SEMA4D: variants seen among roughly 807,000 people sequenced by gnomAD.
The protein encoded by SEMA4D is semaphorin 4D.
SEMA4D carries 22 observed loss-of-function variants against 74.8 expected under a neutral mutation model. That is an observed-to-expected ratio of 0.29 (90% CI 0.21 to 0.42). The LOEUF is 0.42. Among genes scored for constraint, SEMA4D ranks in the 10% least tolerant of loss-of-function variants. The pLI is 1.00. For synonymous variants in SEMA4D, 445 were observed against 463.7 expected, an observed-to-expected ratio of 0.96 and a Z score of 0.52; for missense variants, 937 against 1,118.4, an observed-to-expected ratio of 0.84 and a Z score of 2.31.
intron 2 of SEMA4D, among the ~76,000 whole-genome samples, chr9:89,442,905 G>C (rs374670595): frequency 6.6e-6 from 1 of 152,198 alleles, no homozygotes; most frequent in South Asian, 2.1e-4. Context: ...CCTGGGCCCC[G>C]GGCCTGGGCT....
At chr9:89,406,439 G>A (rs1248110829) in intron 2 of SEMA4D, among the ~76,000 whole-genome samples, 1 of 152,228 alleles carries the variant, frequency 6.6e-6, no homozygotes, top group Non-Finnish European at 1.5e-5. Flanking sequence ...AAATTGTGGG[G>A]CTGGTGGTGG....
At chr9:89,413,864 A>G (rs1233232635) in intron 2 of SEMA4D, among the ~76,000 whole-genome samples, 1 of 152,146 alleles carries the variant, frequency 6.6e-6, no homozygotes, top group African/African-American at 2.4e-5. Flanking sequence ...GCATCTGTGT[A>G]TGTGTACGCA....
intron 16 of SEMA4D, among the ~76,000 whole-genome samples, chr9:89,371,975 T>TGTG (rs1835018761): frequency 2.7e-3 from 7 of 2,604 alleles, no homozygotes; most frequent in African/African-American, 0.012. Flanking sequence ...TGGGGTGTGG[T>TGTG]GTGTGTCTGG....
Position 89,492,776 on chromosome 9 carries a change from G to A in SEMA4D, c.-310+5143C>T, listed in dbSNP as rs944047903. On this transcript the variant is annotated intron_variant, in intron 1 of 15. Coordinates refer to ENST00000422704, the MANE Select transcript of SEMA4D (RefSeq NM_001371194.2). This position sits in a 1 kb window ranked among gnomAD's most constrained non-coding sequence, Gnocchi z 4.3. The stretch of plus-strand genomic sequence containing the variant: ...CCTGCAATCAGCCTGCCTCCCACCC[G>A]AGGAGACTGCCCGAGCTCCTGCAAG... Among the ~76,000 whole-genome samples the A allele has an allele frequency of 1.3e-5, 2 of 152,040 alleles. No individual in the cohort carries two copies. The highest frequency in any genetic ancestry group is 2.4e-5 in the African/African-American group (1 of 41,394).
intron 16 of SEMA4D, among the ~76,000 whole-genome samples, chr9:89,372,057 G>T (rs866522302): frequency 2.3e-4 from 16 of 70,068 alleles, no homozygotes; most frequent in African/African-American, 8.6e-4. Context: ...TGTCGGGTGT[G>T]GTGTGTTGGG....
intron 16 of SEMA4D, among the ~76,000 whole-genome samples, chr9:89,372,038 G>T: frequency 1.3e-5 from 1 of 76,624 alleles, no homozygotes; most frequent in African/African-American, 5.9e-5. Flanking sequence ...GTGTGTGTTG[G>T]GGTGTGTGTG....
intron 2 of SEMA4D, 187 bp from the exon 3 acceptor site, chr9:89,405,886 A>G: frequency 2.5e-6 from 3 of 1,223,338 alleles, no homozygotes; most frequent in Non-Finnish European, 3.1e-6. Context: ...AAGCGAAGCC[A>G]GGGTCTTCAG....
rs752711608 is a variant in SEMA4D at position 89,379,151 on chromosome 9, G to C, written c.2142C>G (p.Ile714Met). 1.6e-5 allele frequency: 26 copies of C among 1,614,102 alleles called. No homozygotes were observed. The highest frequency in any genetic ancestry group is 5.0e-5 in the Admixed American group (3 of 60,010). The change falls in exon 16 of 16, where the codon ATC (isoleucine) becomes ATG (methionine). Residue 714 changes from isoleucine (I) to methionine (M), a missense_variant. Coordinates refer to ENST00000422704, the MANE Select transcript of SEMA4D (RefSeq NM_001371194.2). ...CCGAGTGGAGCTGGGGGACCGTGTT[G>C]ATGACGATCTTTGGTTCGCAGGATG... ...TGTSCEPKIVINTVPQLHSEK... is the reference protein window; with the variant it reads ...TGTSCEPKIVMNTVPQLHSEK...
chr9:89,382,780 C>T (rs1005306418), intron 13 of SEMA4D, among the ~76,000 whole-genome samples: 1 of 152,194 alleles, frequency 6.6e-6, no homozygotes, highest in African/African-American at 2.4e-5. Flanking sequence ...GCGGGGGGCA[C>T]CTGCGAGGTG....
intron 2 of SEMA4D, among the ~76,000 whole-genome samples, chr9:89,409,831 C>T (rs1278611700): frequency 1.3e-5 from 2 of 152,176 alleles, no homozygotes; most frequent in Non-Finnish European, 2.9e-5. Flanking sequence ...TGCAATCAGT[C>T]CTCTGCGTAT....
intron 9 of SEMA4D, 99 bp from the exon 10 acceptor site, chr9:89,389,146 G>GC: frequency 1.6e-6 from 2 of 1,266,950 alleles, no homozygotes; most frequent in Non-Finnish European, 2.2e-6. Flanking sequence ...AGCACAGCGC[G>GC]GCTGTGCCTG....
At chr9:89,396,673 C>A in intron 6 of SEMA4D, 64 bp downstream of exon 6, 3 of 1,328,492 alleles carry the variant, frequency 2.3e-6, no homozygotes, top group Non-Finnish European at 2.1e-6. Context: ...CTGCTTTGAG[C>A]CCCCTTCTAC....
At chr9:89,478,682 A>G (rs1417866174) in intron 1 of SEMA4D, among the ~76,000 whole-genome samples, 1 of 152,070 alleles carries the variant, frequency 6.6e-6, no homozygotes, top group Non-Finnish European at 1.5e-5. Context: ...AATCATCCTC[A>G]CTGCACCCTT....
At position 89,396,830 on chromosome 9, in the gene SEMA4D, C is replaced by G. The variant is rs776275222; in HGVS notation, c.321G>C (p.Glu107Asp). The G allele has an allele frequency of 6.2e-7, 1 of 1,613,310 alleles. No individual in the cohort carries two copies. The highest frequency in any genetic ancestry group is 8.5e-7 in the Non-Finnish European group (1 of 1,179,572). ...GCAGCACCCGGATGTAGTTGAGGCA[C>G]TCTGTCTGCAGGGAAGAGAAATGCA... ...CAEKGKSKQT[E>D]CLNYIRVLQP... The change falls in exon 6 of 16, where the codon GAG becomes GAC. Residue 107 changes from glutamate (E) to aspartate (D), a missense_variant. Glu to Asp is a conservative substitution (Grantham distance 45). Transcript: ENST00000422704.
chr9:89,401,973 G>A lies in SEMA4D; in HGVS notation c.252+898C>T, dbSNP rs911246324. On this transcript the variant is annotated intron_variant, in intron 4 of 15. Transcript: ENST00000422704. The stretch of plus-strand genomic sequence containing the variant: ...GAGGAACACCTGCCTCCATGGAGAA[G>A]CCCGCCTCACAGCCCTGAGAGGGAT... Among the ~76,000 whole-genome samples the A allele has an allele frequency of 9.9e-5, 15 of 152,128 alleles. 1 individual carries two copies. The South Asian group carries it at 3.1e-3, about 32-fold the overall frequency.
At position 89,478,212 on chromosome 9, in the gene SEMA4D, T is replaced by G. The variant is rs80068415; in HGVS notation, c.-310+19707A>C. Among the ~76,000 whole-genome samples the G allele has an allele frequency of 4.6e-5, 7 of 152,002 alleles. No individual in the cohort carries two copies. In the South Asian group the frequency reaches 1.5e-3, roughly 32 times the overall value. On this transcript the variant is annotated intron_variant, in intron 1 of 15. Transcript: ENST00000422704. The stretch of plus-strand genomic sequence containing the variant: ...GATGCAATCTTGTTTGCAAAAAGGG[T>G]CTTTCTAGATGTAAGAATCTCAGGA...
At chr9:89,458,618 C>A (rs1276176684) in intron 1 of SEMA4D, among the ~76,000 whole-genome samples, 4 of 152,028 alleles carry the variant, frequency 2.6e-5, no homozygotes, top group Non-Finnish European at 4.4e-5. Flanking sequence ...GTACACCACA[C>A]CCACATACCC....
chr9:89,470,852 T>C (rs1280892778), intron 1 of SEMA4D, among the ~76,000 whole-genome samples: 2 of 152,108 alleles, frequency 1.3e-5, no homozygotes, highest in Non-Finnish European at 1.5e-5. Context: ...AGGTAAACTA[T>C]AGGAACAAAG....
chr9:89,369,886 G>A (rs1834272137), intron 16 of SEMA4D, among the ~76,000 whole-genome samples: 1 of 151,832 alleles, frequency 6.6e-6, no homozygotes, highest in African/African-American at 2.4e-5. Context: ...GTGTGTGTAT[G>A]GTTGTGTATG....
Sources: gnomAD v4.1 joint callset for allele counts (sites outside exome capture counted in the v4.1 genomes callset) on GRCh38, gnomAD v4.1.1 for gene constraint, Gnocchi (gnomAD v3.1) non-coding constraint, MANE v1.5 for transcripts, NCBI Gene and HGNC (gene_info 2026-07-23, HGNC 2026-07-21) for gene names.